Variants in ARHGEF10L observed in about 807,000 individuals in gnomAD.
ARHGEF10L encodes the protein Rho guanine nucleotide exchange factor 10 like.
ARHGEF10L carries 69 observed loss-of-function variants against 141.2 expected under a neutral mutation model. The observed-to-expected ratio is 0.49, with a 90% confidence interval of 0.40 to 0.60. ARHGEF10L has a LOEUF of 0.60. ARHGEF10L is among the 20% of genes least tolerant of loss of function. ARHGEF10L has a pLI of 0.00. For missense variants in ARHGEF10L, 1,482 were observed against 1,734.3 expected, an observed-to-expected ratio of 0.85 and a Z score of 2.58; for synonymous variants, 711 against 718.5, an observed-to-expected ratio of 0.99 and a Z score of 0.17.
At chr1:17,635,740 C>T (rs2060960948) in intron 18 of ARHGEF10L, among the ~76,000 whole-genome samples, 1 of 152,228 alleles carries the variant, frequency 6.6e-6, no homozygotes, top group African/African-American at 2.4e-5. Flanking sequence ...TCCTCTCAGC[C>T]TGGCTGCAGC....
the ARHGEF10L span, among the ~76,000 whole-genome samples, chr1:17,530,368 C>A: frequency 6.6e-6 from 1 of 152,338 alleles, no homozygotes; most frequent in African/African-American, 2.4e-5. Flanking sequence ...TTTTCCCTTT[C>A]TGAGCCTCAG....
intron 19 of ARHGEF10L, among the ~76,000 whole-genome samples, chr1:17,638,354 G>A (rs972439400): frequency 2.0e-5 from 3 of 152,224 alleles, no homozygotes; most frequent in Non-Finnish European, 4.4e-5. Context: ...TCAGAGGAGG[G>A]CTCCAGGTGG....
chr1:17,553,961 G>A (rs1279191143), intron 1 of ARHGEF10L, among the ~76,000 whole-genome samples: 7 of 152,140 alleles, frequency 4.6e-5, no homozygotes, highest in Admixed American at 3.3e-4. Context: ...GACACAAAAC[G>A]TTTAGCTAAC....
intron 21 of ARHGEF10L, among the ~76,000 whole-genome samples, chr1:17,646,678 C>T (rs994217752): frequency 5.3e-5 from 8 of 152,042 alleles, no homozygotes; most frequent in South Asian, 4.2e-4. Flanking sequence ...TGGGCTGAGA[C>T]GACAGGTGGT....
At chr1:17,527,870 C>CTTTTTT in the ARHGEF10L span, among the ~76,000 whole-genome samples, 1 of 20,980 alleles carries the variant, frequency 4.8e-5, no homozygotes, top group African/African-American at 9.4e-5. Flanking sequence ...TCTTTCTTTT[C>CTTTTTT]TTTTTTTTTT....
chr1:17,622,637 G>A (rs1008472756), intron 11 of ARHGEF10L, among the ~76,000 whole-genome samples: 1 of 152,142 alleles, frequency 6.6e-6, no homozygotes, highest in East Asian at 1.9e-4. Context: ...GGAGAGTGAC[G>A]CGGGGTGTGG....
intron 21 of ARHGEF10L, among the ~76,000 whole-genome samples, chr1:17,641,047 G>T (rs919069688): frequency 6.6e-6 from 1 of 152,210 alleles, no homozygotes. Context: ...GATCTGGGCC[G>T]CAGACCCTGT....
chr1:17,526,909 G>A, the ARHGEF10L span, among the ~76,000 whole-genome samples: 353 of 142,308 alleles, frequency 2.5e-3, no homozygotes, highest in Middle Eastern at 0.011. Context: ...GTCTCCAAAA[G>A]AAAAAAAAAA....
rs1195624597 is a variant in ARHGEF10L at position 17,644,612 on chromosome 1, A to C, written c.2273-3942A>C. Among the ~76,000 whole-genome samples, 1 of 152,190 alleles carries C rather than the reference A, an allele frequency of 6.6e-6. No individual in the cohort carries two copies. The highest frequency in any genetic ancestry group is 1.5e-5 in the Non-Finnish European group (1 of 68,028). On this transcript the variant is annotated intron_variant, in intron 21 of 28. Transcript: ENST00000361221. This position sits in a 1 kb window ranked among gnomAD's most constrained non-coding sequence, Gnocchi z 4.5. The stretch of plus-strand genomic sequence containing the variant: ...TGTGGCTGTGGCCAGCAGCATCTCC[A>C]TGGTGCTGGGGAGGTGTGAGCGGTA...
In ARHGEF10L at chr1:17,607,484, A is replaced by G. The variant is rs751820267; in HGVS notation, c.434-318A>G. On this transcript the variant is annotated intron_variant, in intron 6 of 28. Coordinates refer to ENST00000361221, the MANE Select transcript of ARHGEF10L (RefSeq NM_018125.4). This position sits in a 1 kb window ranked among gnomAD's most constrained non-coding sequence, Gnocchi z 4.5. The stretch of plus-strand genomic sequence containing the variant: ...AATGAGACCCTGTCTCTAAAACAAA[A>G]TTGCCAAGGAGGCTCACAATGAGCG... Among the ~76,000 whole-genome samples, 1 of 152,190 alleles carries G rather than the reference A, an allele frequency of 6.6e-6. No individual in the cohort carries two copies. The highest frequency in any genetic ancestry group is 6.5e-5 in the Admixed American group (1 of 15,284).
At chr1:17,684,599 C>G (rs1342157765) in intron 26 of ARHGEF10L, among the ~76,000 whole-genome samples, 8 of 152,182 alleles carry the variant, frequency 5.3e-5, no homozygotes, top group Non-Finnish European at 1.2e-4. Flanking sequence ...AGACAGGAGA[C>G]AGTTCGCTTC....
chr1:17,682,484 C>G (rs1420377159), intron 26 of ARHGEF10L, among the ~76,000 whole-genome samples: 2 of 152,154 alleles, frequency 1.3e-5, no homozygotes, highest in Admixed American at 1.3e-4. Context: ...CAGGGGTGTA[C>G]AGTTGGAATG....
the ARHGEF10L span, among the ~76,000 whole-genome samples, chr1:17,522,968 T>C: frequency 6.6e-6 from 1 of 152,078 alleles, no homozygotes; most frequent in African/African-American, 2.4e-5. Context: ...TGGTGGCACA[T>C]GTCTGTGGTC....
rs1245418998 is a variant in ARHGEF10L at position 17,655,852 on chromosome 1, A to G, written c.2482-27A>G. 1.9e-6 allele frequency: 3 copies of G among 1,545,510 alleles called. No homozygotes were observed. The Admixed American group carries it at 5.9e-5, about 30-fold the overall frequency. On this transcript the variant is annotated intron_variant, in intron 23 of 28. Coordinates refer to ENST00000361221, the MANE Select transcript of ARHGEF10L (RefSeq NM_018125.4). The stretch of plus-strand genomic sequence containing the variant: ...TGCTCCCTCCTGTGGTTCCCACCTG[A>G]TGGCCTCTCTGGGTCTCTGCTCCCA...
chr1:17,662,516 T>C (rs1348807029), intron 25 of ARHGEF10L, among the ~76,000 whole-genome samples: 1 of 152,188 alleles, frequency 6.6e-6, no homozygotes, highest in Non-Finnish European at 1.5e-5. Flanking sequence ...CAGAGCGCTC[T>C]GTGTGCCTGG....
chr1:17,677,416 G>A (rs2063792066), intron 26 of ARHGEF10L, among the ~76,000 whole-genome samples: 1 of 152,228 alleles, frequency 6.6e-6, no homozygotes, highest in South Asian at 2.1e-4. Flanking sequence ...ACTCTCTGCT[G>A]ATCTCAGCTT....
chr1:17,534,914 G>A (rs2076553486), upstream of ARHGEF10L, among the ~76,000 whole-genome samples: 1 of 152,118 alleles, frequency 6.6e-6, no homozygotes, highest in Non-Finnish European at 1.5e-5. Flanking sequence ...TACTATGGCA[G>A]AGGCCCTCAA....
intron 4 of ARHGEF10L, among the ~76,000 whole-genome samples, chr1:17,599,613 G>T (rs935952032): frequency 6.6e-6 from 1 of 152,150 alleles, no homozygotes; most frequent in East Asian, 1.9e-4. Flanking sequence ...GTTAGAAATC[G>T]GGGTTCAGGT....
At chr1:17,556,889 G>A (rs1481159280) in intron 1 of ARHGEF10L, among the ~76,000 whole-genome samples, 1 of 152,210 alleles carries the variant, frequency 6.6e-6, no homozygotes, top group Non-Finnish European at 1.5e-5. Context: ...GGGCACAGCG[G>A]CACTTGCCTA....
Sources: gnomAD v4.1 joint callset for allele counts (sites outside exome capture counted in the v4.1 genomes callset) on GRCh38, gnomAD v4.1.1 for gene constraint, Gnocchi (gnomAD v3.1) non-coding constraint, MANE v1.5 for transcripts, NCBI Gene and HGNC (gene_info 2026-07-23, HGNC 2026-07-21) for gene names.